CTNNA2: variants seen among roughly 807,000 people sequenced by gnomAD.
The protein encoded by CTNNA2 is catenin alpha 2, also known as catenin alpha-2.
Under a neutral mutation model 101.0 loss-of-function variants are expected in CTNNA2, and 42 were observed. The ratio of observed to expected loss-of-function variants is 0.42; its 90% confidence interval spans 0.32 to 0.54. The LOEUF is 0.54. Among genes scored for constraint, CTNNA2 ranks in the 20% least tolerant of loss-of-function variants. CTNNA2 has a pLI of 0.14. For missense variants in CTNNA2, 871 were observed against 1,223.1 expected (o/e 0.71, Z 4.29); for synonymous variants, 450 against 456.4 (o/e 0.99, Z 0.18).
intron 17 of CTNNA2, among the ~76,000 whole-genome samples, chr2:80,611,006 G>A (rs940511182): frequency 6.8e-6 from 1 of 146,724 alleles, no homozygotes; most frequent in Admixed American, 6.8e-5. Flanking sequence ...TGGCAATTAG[G>A]TTTTTTTTTT....
At chr2:80,521,332 A>G (rs988908742) in intron 9 of CTNNA2, among the ~76,000 whole-genome samples, 10 of 152,186 alleles carry the variant, frequency 6.6e-5, no homozygotes, top group African/African-American at 2.2e-4. Flanking sequence ...ATTTCCAAAC[A>G]AAATGCAAGT....
intron 9 of CTNNA2, among the ~76,000 whole-genome samples, chr2:80,433,977 A>G (rs958857414): frequency 3.3e-5 from 5 of 152,320 alleles, no homozygotes; most frequent in East Asian, 1.9e-4. Context: ...CTTTGTCCCA[A>G]TTGCTTAACT....
At chr2:80,007,656 C>G (rs1693467428) in intron 7 of CTNNA2, among the ~76,000 whole-genome samples, 1 of 152,128 alleles carries the variant, frequency 6.6e-6, no homozygotes, top group Non-Finnish European at 1.5e-5. Context: ...TATTAAAGTC[C>G]TTATATCTGT....
chr2:79,758,930 A>C (rs1477543343), intron 3 of CTNNA2, among the ~76,000 whole-genome samples: 1 of 152,188 alleles, frequency 6.6e-6, no homozygotes, highest in Admixed American at 6.5e-5. Flanking sequence ...GAATCTTGTT[A>C]GGTGCATGTT....
chr2:79,811,285 T>C (rs957534913), intron 3 of CTNNA2, among the ~76,000 whole-genome samples: 1 of 152,224 alleles, frequency 6.6e-6, no homozygotes, highest in Non-Finnish European at 1.5e-5. Context: ...CCAGTGATGA[T>C]GAGCATTTTT....
At chr2:80,191,610 T>TG (rs1184005123) in intron 7 of CTNNA2, among the ~76,000 whole-genome samples, 1 of 152,196 alleles carries the variant, frequency 6.6e-6, no homozygotes, top group Non-Finnish European at 1.5e-5. Flanking sequence ...AGATGTAGTC[T>TG]CTTGAGTCAT....
chr2:80,578,405 C>T (rs1244783056), intron 13 of CTNNA2, among the ~76,000 whole-genome samples: 1 of 152,150 alleles, frequency 6.6e-6, no homozygotes, highest in Non-Finnish European at 1.5e-5. Context: ...ATGATAGAAG[C>T]GTAATCTTCC....
chr2:80,008,529 G>A (rs1045856323), intron 7 of CTNNA2, among the ~76,000 whole-genome samples: 10 of 152,100 alleles, frequency 6.6e-5, no homozygotes, highest in South Asian at 2.1e-4. Context: ...TTAACTCTCC[G>A]TGAGTATTCA....
chr2:80,382,698 A>G (rs1462212259), intron 7 of CTNNA2, among the ~76,000 whole-genome samples: 2 of 152,320 alleles, frequency 1.3e-5, no homozygotes, highest in Admixed American at 1.3e-4. Flanking sequence ...CTTTCCATAA[A>G]TTAAGGTTAC....
intron 7 of CTNNA2, among the ~76,000 whole-genome samples, chr2:80,277,642 G>T (rs974811613): frequency 6.6e-6 from 1 of 151,664 alleles, no homozygotes; most frequent in Non-Finnish European, 1.5e-5. Flanking sequence ...GGGACCTTCT[G>T]GTGAGAGGAA....
At chr2:80,101,197 C>A (rs1164057262) in intron 7 of CTNNA2, among the ~76,000 whole-genome samples, 1 of 152,032 alleles carries the variant, frequency 6.6e-6, no homozygotes, top group Non-Finnish European at 1.5e-5. Context: ...TATTAACTAC[C>A]ACAACAAAAA....
rs1416597265 is a variant in CTNNA2 at position 80,114,870 on chromosome 2, A to G, written c.1056+205073A>G. On this transcript the variant is annotated intron_variant, in intron 7 of 18. Transcript: ENST00000402739. ...GTTTCCATCAAAGATGTCAGTTCAT[A>G]TCTTCATCTTACTCCAAGAAACCTT... Among the ~76,000 whole-genome samples, 3 of 152,162 alleles carry G rather than the reference A, an allele frequency of 2.0e-5. No homozygotes were observed. The East Asian group carries it at 5.8e-4, about 29-fold the overall frequency.
rs191673463 is a variant in CTNNA2, at chr2:80,406,285, G to T, written c.1137+12994G>T. ...GGAGGCGGAGGTTACAGTGAGTCGA[G>T]ATCGCGCCACTGCACTCCAGCCTGG... On this transcript the variant is annotated intron_variant, in intron 8 of 18. Transcript: ENST00000402739. Among the ~76,000 whole-genome samples the T allele has an allele frequency of 3.6e-4, 55 of 151,322 alleles. 2 individuals carry two copies. In the East Asian group the frequency reaches 0.011, roughly 29 times the overall value.
At chr2:79,305,852 T>C (rs1676228155) in intron 2 of CTNNA2, among the ~76,000 whole-genome samples, 2 of 152,020 alleles carry the variant, frequency 1.3e-5, no homozygotes. Context: ...GAGACCATCC[T>C]GGCTAACACG....
chr2:80,074,525 G>A (rs576461700), intron 7 of CTNNA2, among the ~76,000 whole-genome samples: 25 of 152,256 alleles, frequency 1.6e-4, no homozygotes, highest in African/African-American at 4.3e-4. Context: ...GTCTGTATGC[G>A]TGTGTGGGGT....
At chr2:79,461,660 TAA>T (rs1670880835) in intron 4 of CTNNA2, among the ~76,000 whole-genome samples, 2 of 152,004 alleles carry the variant, frequency 1.3e-5, no homozygotes, top group African/African-American at 4.8e-5. Context: ...CACGCCTATC[TAA>T]GAAGGAGAGC....
intron 1 of CTNNA2, among the ~76,000 whole-genome samples, chr2:79,625,390 G>A (rs1336829562): frequency 6.6e-6 from 1 of 152,138 alleles, no homozygotes; most frequent in African/African-American, 2.4e-5. Context: ...GTTTGAGAGT[G>A]TAGAGTCATA....
intron 4 of CTNNA2, among the ~76,000 whole-genome samples, chr2:79,433,537 A>G (rs1678678538): frequency 6.7e-6 from 1 of 149,292 alleles, no homozygotes; most frequent in African/African-American, 2.5e-5. Flanking sequence ...CAGTGCTATG[A>G]GATGAAATTT....
At chr2:79,496,477 G>A (rs1671256960) in intron 4 of CTNNA2, among the ~76,000 whole-genome samples, 1 of 151,902 alleles carries the variant, frequency 6.6e-6, no homozygotes, top group African/African-American at 2.4e-5. Flanking sequence ...TACTTTCAAT[G>A]GTGTTCTTTG....
Sources: gnomAD v4.1 joint callset for allele counts (sites outside exome capture counted in the v4.1 genomes callset) on GRCh38, gnomAD v4.1.1 for gene constraint, MANE v1.5 for transcripts, NCBI Gene and HGNC (gene_info 2026-07-23, HGNC 2026-07-21) for gene names.